USH2A: variants seen among roughly 807,000 people sequenced by gnomAD.
USH2A encodes Usher syndrome 2A (autosomal recessive, mild).
Under a neutral mutation model 538.9 loss-of-function variants are expected in USH2A, and 443 were observed. That is an observed-to-expected ratio of 0.82 (90% CI 0.76 to 0.89). The LOEUF (loss-of-function observed/expected upper bound fraction) is 0.89, where lower values mean the gene tolerates loss of function less well. Ranked by LOEUF, USH2A falls within the 40% of genes least tolerant of loss-of-function variation. The pLI is 0.00. For synonymous variants in USH2A, 2,413 were observed against 2,273.5 expected (o/e 1.06, Z -1.75); for missense variants, 6,633 against 6,324.8 (o/e 1.05, Z -1.65).
intron 11 of USH2A, among the ~76,000 whole-genome samples, chr1:216,276,739 G>A (rs1252515784): frequency 1.3e-5 from 2 of 152,120 alleles, no homozygotes; most frequent in Non-Finnish European, 2.9e-5. Flanking sequence ...ATGGATGGCA[G>A]CAGGCAGAGA....
intron 9 of USH2A, among the ~76,000 whole-genome samples, chr1:216,310,819 G>A (rs779272033): frequency 3.3e-5 from 5 of 152,148 alleles, no homozygotes; most frequent in Admixed American, 6.5e-5. Context: ...ACATATTACT[G>A]TCTTGTTAGG....
At chr1:215,917,780 CAAAAAAAA>C (rs869080030) in intron 38 of USH2A, among the ~76,000 whole-genome samples, 70 of 89,620 alleles carry the variant, frequency 7.8e-4, no homozygotes, top group Middle Eastern at 7.8e-3. Context: ...CCTATCACTA[CAAAAAAAA>C]AAAAAAAAAA....
At chr1:216,077,251 G>A (rs371301578) in intron 27 of USH2A, among the ~76,000 whole-genome samples, 33 of 152,106 alleles carry the variant, frequency 2.2e-4, no homozygotes, top group Admixed American at 1.1e-3. Context: ...ACATTCAAAC[G>A]TCTATGAGTT....
At chr1:216,279,589 C>T (rs2036734177) in intron 11 of USH2A, among the ~76,000 whole-genome samples, 3 of 152,148 alleles carry the variant, frequency 2.0e-5, no homozygotes, top group Admixed American at 1.3e-4. Context: ...CAACCCCAAA[C>T]TTCCTGAATG....
chr1:215,724,576 C>T (rs990575324), intron 61 of USH2A, among the ~76,000 whole-genome samples: 8 of 152,034 alleles, frequency 5.3e-5, no homozygotes, highest in African/African-American at 1.9e-4. Flanking sequence ...CACAATATAT[C>T]CAGGTAACAA....
intron 41 of USH2A, among the ~76,000 whole-genome samples, chr1:215,884,369 C>G (rs1228890324): frequency 6.6e-5 from 10 of 152,120 alleles, no homozygotes; most frequent in Admixed American, 6.6e-4. Flanking sequence ...TCCTTCCATC[C>G]AGGAAGATTG....
intron 61 of USH2A, among the ~76,000 whole-genome samples, chr1:215,691,344 CTGACAT>C (rs1207302178): frequency 3.9e-5 from 6 of 152,174 alleles, no homozygotes; most frequent in African/African-American, 1.4e-4. Flanking sequence ...CACTTCCTTT[CTGACAT>C]TGTCTCCTAT....
chr1:215,868,424 T>G (rs893029146), intron 43 of USH2A, among the ~76,000 whole-genome samples: 1 of 152,192 alleles, frequency 6.6e-6, no homozygotes, highest in Admixed American at 6.5e-5. Context: ...TAAAACTTAG[T>G]GACTTTTTGA....
chr1:215,962,466 T>A (rs1346340659), intron 37 of USH2A, among the ~76,000 whole-genome samples: 1 of 152,110 alleles, frequency 6.6e-6, no homozygotes, highest in Non-Finnish European at 1.5e-5. Flanking sequence ...CGTTGAATAT[T>A]ACCAAGCTAT....
intron 38 of USH2A, among the ~76,000 whole-genome samples, chr1:215,924,514 A>G (rs879735841): frequency 3.9e-5 from 6 of 152,138 alleles, no homozygotes; most frequent in Admixed American, 3.9e-4. Flanking sequence ...TATTATTTTA[A>G]AGAAATAAAG....
intron 32 of USH2A, among the ~76,000 whole-genome samples, chr1:216,042,116 G>C (rs1234273324): frequency 6.6e-6 from 1 of 151,922 alleles, no homozygotes; most frequent in African/African-American, 2.4e-5. Flanking sequence ...GGAATATAAT[G>C]TTATTCAAAA....
chr1:215,823,166 T>C (rs1242188253), intron 47 of USH2A, among the ~76,000 whole-genome samples: 1 of 152,122 alleles, frequency 6.6e-6, no homozygotes, highest in African/African-American at 2.4e-5. Context: ...TTTCTGTGCA[T>C]TAGTTTTTTA....
intron 4 of USH2A, among the ~76,000 whole-genome samples, chr1:216,349,662 G>A (rs1389396153): frequency 2.6e-5 from 4 of 152,116 alleles, no homozygotes; most frequent in Admixed American, 6.5e-5. Context: ...AAAACAGGGA[G>A]GGATCCTCAA....
intron 37 of USH2A, among the ~76,000 whole-genome samples, chr1:215,957,115 T>C (rs926454627): frequency 1.3e-5 from 2 of 152,192 alleles, no homozygotes; most frequent in Admixed American, 6.5e-5. Flanking sequence ...ATAATAACTA[T>C]ACTTTCTTTT....
chr1:215,643,694 T>A (rs114853111), intron 67 of USH2A, among the ~76,000 whole-genome samples: 2,911 of 150,696 alleles, frequency 0.019, 78 homozygotes, highest in African/African-American at 0.066. Context: ...CCTGGCTATT[T>A]AAAAAAAAAA....
chr1:215,776,093 A>G (rs966316386), intron 55 of USH2A, among the ~76,000 whole-genome samples: 1 of 152,198 alleles, frequency 6.6e-6, no homozygotes, highest in African/African-American at 2.4e-5. Context: ...AGGCCTACGT[A>G]TAATGTAGAG....
At chr1:216,282,198 CTTG>C (rs2036796391) in intron 11 of USH2A, among the ~76,000 whole-genome samples, 1 of 152,048 alleles carries the variant, frequency 6.6e-6, no homozygotes, top group South Asian at 2.1e-4. Flanking sequence ...ATTTCACTTT[CTTG>C]TTGGTGTGCT....
intron 3 of USH2A, among the ~76,000 whole-genome samples, chr1:216,409,747 T>TA: frequency 6.6e-6 from 1 of 152,142 alleles, no homozygotes; most frequent in South Asian, 2.1e-4. Flanking sequence ...AATAAAGACT[T>TA]AAACGTAAAA....
intron 4 of USH2A, among the ~76,000 whole-genome samples, chr1:216,328,628 T>A (rs2037784312): frequency 6.6e-6 from 1 of 152,110 alleles, no homozygotes; most frequent in African/African-American, 2.4e-5. Context: ...GTTTGATTTA[T>A]GTTTTCTGCT....
Sources: gnomAD v4.1 joint callset for allele counts (sites outside exome capture counted in the v4.1 genomes callset) on GRCh38, gnomAD v4.1.1 for gene constraint, MANE v1.5 for transcripts, NCBI Gene and HGNC (gene_info 2026-07-23, HGNC 2026-07-21) for gene names.